The following OR56A1 variants were observed in gnomAD, a reference collection of about 807,000 sequenced individuals.
The protein encoded by OR56A1 is olfactory receptor 56A1.
For synonymous variants in OR56A1, 174 were observed against 159.1 expected, an observed-to-expected ratio of 1.09 and a Z score of -0.70; for missense variants, 360 against 380.9, an observed-to-expected ratio of 0.94 and a Z score of 0.46.
At chr11:6,029,095 A>T (rs980297609) in intron 1 of OR56A1, among the ~76,000 whole-genome samples, 1 of 152,160 alleles carries the variant, frequency 6.6e-6, no homozygotes, top group Non-Finnish European at 1.5e-5. Context: ...GTACATATAG[A>T]TGTAGAGAGT....
At chr11:6,030,186 A>G (rs1848498891) in intron 1 of OR56A1, among the ~76,000 whole-genome samples, 1 of 152,190 alleles carries the variant, frequency 6.6e-6, no homozygotes. Context: ...TCGAGTAAAA[A>G]GTAAATATTG....
rs1848393931 is a variant in OR56A1 at position 6,021,355 on chromosome 11, C to A, written c.*5393G>T. 6.6e-6 allele frequency: 1 copy of A among 151,924 alleles called. No individual in the cohort carries two copies. Among genetic ancestry groups the A allele is most frequent in the Admixed American group, 6.6e-5 (1 of 15,246 alleles). The allele number at this position is 151,924 out of a possible 1,614,324, so 9.4% of individuals were successfully genotyped here. A position where few individuals can be genotyped will look rare whatever the true frequency, so the allele number is the denominator to read the frequency against. On this transcript the variant is annotated 3_prime_UTR_variant, in exon 2 of 2. Transcript: ENST00000641900. ...TACAGAACTAAAGGATGATAATAGT[C>A]AACAATATATTGTATATTTTCAAAT...
rs1848466018 is a variant in OR56A1 at position 6,027,489 on chromosome 11, G to A, written c.204C>T (p.Leu68=). The A allele has an allele frequency of 6.2e-7, 1 of 1,614,172 alleles. No individual in the cohort carries two copies. Among genetic ancestry groups the A allele is most frequent in the Non-Finnish European group, 8.5e-7 (1 of 1,180,032 alleles). The change falls in exon 2 of 2, where the codon CTC becomes CTT. Residue 68 remains leucine (L), a synonymous_variant. Coordinates refer to ENST00000641900, the MANE Select transcript of OR56A1 (RefSeq NM_001388488.1). The stretch of plus-strand genomic sequence containing the variant: ...AGAGCACGATGTCCAGCAGGGAGAG[G>A]AGGCTGAGCAGGTAGTACAGGGGCT... The part of the protein sequence containing the change: ...LHQPLYYLLS[L]LSLLDIVLCL...
At chr11:6,031,315 G>T (rs547318176), upstream of OR56A1, among the ~76,000 whole-genome samples, 1 of 152,208 alleles carries the variant, frequency 6.6e-6, no homozygotes, top group African/African-American at 2.4e-5. Context: ...GAAGATTTTA[G>T]AACTAGTCAT....
rs1848456362 is a variant in OR56A1, at chr11:6,027,012, A to T, written c.681T>A (p.Ala227=). The T allele has an allele frequency of 3.1e-6, 5 of 1,614,054 alleles. No individual in the cohort carries two copies. The highest frequency in any genetic ancestry group is 1.6e-4 in the Middle Eastern group (1 of 6,062). The change falls in exon 2 of 2, where the codon GCT becomes GCA. Residue 227 remains alanine (A), a synonymous_variant. Transcript: ENST00000641900. ...IFLSYTFILR[A]VLRFKAEGAA... is the part of the protein sequence containing the mutation. Reference sequence around the variant, plus strand: ...CCCCCTCTGCTTTGAATCTAAGCACAGCTCTTAGAATGAAGGTGTAAGAGA... The same window carrying T: ...CCCCCTCTGCTTTGAATCTAAGCACTGCTCTTAGAATGAAGGTGTAAGAGA...
chr11:6,030,238 C>T lies in OR56A1; in HGVS notation c.-35+464G>A, dbSNP rs527656353. On this transcript the variant is annotated intron_variant, in intron 1 of 1. Transcript: ENST00000641900. ...AGGTTTCTTTATAAACCATTCTCTA[C>T]ATTGAAATCAAGGAAATGTTTTTAA... Among the ~76,000 whole-genome samples the T allele has an allele frequency of 2.0e-5, 3 of 152,240 alleles. No individual in the cohort carries two copies. The South Asian group carries it at 6.2e-4, about 32-fold the overall frequency.
At chr11:6,030,454 T>C (rs992909160) in intron 1 of OR56A1, among the ~76,000 whole-genome samples, 1 of 151,932 alleles carries the variant, frequency 6.6e-6, no homozygotes, top group African/African-American at 2.4e-5. Context: ...CATAGTTAAC[T>C]GACTACATTA....
At chr11:6,032,672 C>T (rs185665273), upstream of OR56A1, among the ~76,000 whole-genome samples, 10 of 152,164 alleles carry the variant, frequency 6.6e-5, no homozygotes, top group African/African-American at 2.2e-4. Flanking sequence ...TAGAGGGAAG[C>T]GGGGCATGGC....
Position 6,027,481 on chromosome 11 carries a change from A to C in OR56A1, c.212T>G (p.Leu71Arg), listed in dbSNP as rs777478420. 1.2e-6 allele frequency: 2 copies of C among 1,614,180 alleles called. No individual in the cohort carries two copies. The highest frequency in any genetic ancestry group is 2.2e-5 in the South Asian group (2 of 91,074). Residue 71 changes from leucine (L) to arginine (R), a missense_variant, in exon 2 of 2, where the codon CTG becomes CGG. Leu to Arg is a moderately radical substitution (Grantham distance 102). Transcript: ENST00000641900. ...PLYYLLSLLS[L>R]LDIVLCLTVI... ...GGTGAGGCAGAGCACGATGTCCAGCAGGGAGAGGAGGCTGAGCAGGTAGTA... is the reference window on the plus strand; with the variant it reads ...GGTGAGGCAGAGCACGATGTCCAGCCGGGAGAGGAGGCTGAGCAGGTAGTA...
chr11:6,031,945 G>T (rs1216401225), upstream of OR56A1, among the ~76,000 whole-genome samples: 1 of 152,052 alleles, frequency 6.6e-6, no homozygotes, highest in East Asian at 1.9e-4. Flanking sequence ...AAGGTATAAA[G>T]AAAATCTTAA....
chr11:6,031,471 C>T (rs577017934), upstream of OR56A1, among the ~76,000 whole-genome samples: 7 of 152,076 alleles, frequency 4.6e-5, no homozygotes, highest in South Asian at 4.2e-4. Flanking sequence ...GAATGGCGGC[C>T]GCAATAGCCA....
chr11:6,020,291 G>C lies in OR56A1; in HGVS notation c.*6457C>G, dbSNP rs143329447. 6.6e-6 allele frequency: 1 copy of C among 152,098 alleles called. No homozygotes were observed. Among genetic ancestry groups the C allele is most frequent in the African/African-American group, 2.4e-5 (1 of 41,418 alleles). The allele number at this position is 152,098 out of a possible 1,614,324, so 9.4% of individuals were successfully genotyped here. A position where few individuals can be genotyped will look rare whatever the true frequency, so the allele number is the denominator to read the frequency against. On this transcript the variant is annotated 3_prime_UTR_variant, in exon 2 of 2. Transcript: ENST00000641900. The stretch of plus-strand genomic sequence containing the variant: ...GAACTGAATTTCTTTGGCTATTCAG[G>C]CTCTTTTTTGGTTTCATATGAATTT...
In OR56A1 at chr11:6,025,158, C is replaced by CT. The variant is rs1321488399; in HGVS notation, c.*1589dup. 3.1e-4 allele frequency: 47 copies of CT among 152,332 alleles called. No individual in the cohort carries two copies. The highest frequency in any genetic ancestry group is 1.1e-3 in the African/African-American group (46 of 41,572). The allele number at this position is 152,332 out of a possible 1,614,324, so 9.4% of individuals were successfully genotyped here. A position where few individuals can be genotyped will look rare whatever the true frequency, so the allele number is the denominator to read the frequency against. On this transcript the variant is annotated 3_prime_UTR_variant, in exon 2 of 2. Transcript: ENST00000641900. The stretch of plus-strand genomic sequence containing the variant: ...TGCACTAGGGGACTTGATTCTGACT[C>CT]TAATTCCCTGGTAGGAACAGTGCAC...
intron 1 of OR56A1, 91 bp from the exon 2 acceptor site, chr11:6,027,817 T>C: frequency 9.9e-6 from 8 of 810,432 alleles, no homozygotes; most frequent in Non-Finnish European, 1.4e-5. Context: ...CAATGATAGG[T>C]AGTTCACTTT....
rs896188305 is a variant in OR56A1 at position 6,025,035 on chromosome 11, TG to T, written c.*1712del. 6.6e-6 allele frequency: 1 copy of T among 152,214 alleles called. No individual in the cohort carries two copies. Among genetic ancestry groups the T allele is most frequent in the African/African-American group, 2.4e-5 (1 of 41,450 alleles). The allele number at this position is 152,214 out of a possible 1,614,324, so 9.4% of individuals were successfully genotyped here. A position where few individuals can be genotyped will look rare whatever the true frequency, so the allele number is the denominator to read the frequency against. ...GTTACTTTATCTAATCCCCACAATGTGGGGCAGTTGATCTTACTCCTCTTAC... is the reference window on the plus strand; with the variant it reads ...GTTACTTTATCTAATCCCCACAATGTGGGCAGTTGATCTTACTCCTCTTAC... On this transcript the variant is annotated 3_prime_UTR_variant, in exon 2 of 2. Coordinates refer to ENST00000641900, the MANE Select transcript of OR56A1 (RefSeq NM_001388488.1).
At chr11:6,033,054 A>T (rs1848527902), upstream of OR56A1, among the ~76,000 whole-genome samples, 1 of 152,138 alleles carries the variant, frequency 6.6e-6, no homozygotes, top group African/African-American at 2.4e-5. Flanking sequence ...CATGCTCCTC[A>T]GATGACATTT....
upstream of OR56A1, among the ~76,000 whole-genome samples, chr11:6,032,281 A>G (rs1360685748): frequency 6.6e-6 from 1 of 152,190 alleles, no homozygotes; most frequent in East Asian, 1.9e-4. Context: ...GTTCAGGGAA[A>G]GAGTAAATAT....
At position 6,027,526 on chromosome 11, in the gene OR56A1, G is replaced by A. The variant is rs1384964853; in HGVS notation, c.167C>T (p.Ala56Val). The change falls in exon 2 of 2, where the codon GCC (alanine) becomes GTC (valine). Residue 56 changes from alanine to valine, a missense_variant. Coordinates refer to ENST00000641900, the MANE Select transcript of OR56A1 (RefSeq NM_001388488.1). ...GTAGTACAGGGGCTGGTGCAGAGAG[G>A]CCTCCAGCTGGATGGTGATCAGGAG... ...TTLLITIQLEASLHQPLYYLL... is the reference protein window; with the variant it reads ...TTLLITIQLEVSLHQPLYYLL... 4.3e-6 allele frequency: 7 copies of A among 1,614,028 alleles called. No individual in the cohort carries two copies. The Admixed American group carries it at 5.0e-5, about 12-fold the overall frequency.
Position 6,027,516 on chromosome 11 carries a change from G to A in OR56A1, c.177C>T (p.His59=), listed in dbSNP as rs938982716. The change falls in exon 2 of 2, where the codon CAC becomes CAT. Residue 59 remains histidine (H), a synonymous_variant. Coordinates refer to ENST00000641900, the MANE Select transcript of OR56A1 (RefSeq NM_001388488.1). Reference sequence around the variant, plus strand: ...GGCTGAGCAGGTAGTACAGGGGCTGGTGCAGAGAGGCCTCCAGCTGGATGG... The same window carrying A: ...GGCTGAGCAGGTAGTACAGGGGCTGATGCAGAGAGGCCTCCAGCTGGATGG... ...LITIQLEASL[H]QPLYYLLSLL... is the part of the protein sequence containing the mutation. 5.6e-6 allele frequency: 9 copies of A among 1,613,918 alleles called. No individual in the cohort carries two copies. The highest frequency in any genetic ancestry group is 7.6e-6 in the Non-Finnish European group (9 of 1,180,014).
Sources: gnomAD v4.1 joint callset for allele counts (sites outside exome capture counted in the v4.1 genomes callset) on GRCh38, gnomAD v4.1.1 for gene constraint, MANE v1.5 for transcripts, NCBI Gene and HGNC (gene_info 2026-07-23, HGNC 2026-07-21) for gene names.